Variants in GALNTL6 observed in about 807,000 individuals in gnomAD.
The protein encoded by GALNTL6 is polypeptide N-acetylgalactosaminyltransferase-like 6.
GALNTL6 carries 46 observed loss-of-function variants against 73.7 expected under a neutral mutation model. That is an observed-to-expected ratio of 0.62 (90% CI 0.49 to 0.80). GALNTL6 has a LOEUF of 0.80. Among genes scored for constraint, GALNTL6 ranks in the 30% least tolerant of loss-of-function variants. The pLI is 0.00. For synonymous variants in GALNTL6, 259 were observed against 263.7 expected (o/e 0.98, Z 0.17); for missense variants, 604 against 755.0 (o/e 0.80, Z 2.34).
intron 2 of GALNTL6, chr4:171,815,565 C>T (rs757378234): frequency 3.3e-5 from 5 of 152,098 alleles, no homozygotes; most frequent in Non-Finnish European, 5.9e-5. Context: ...AAATAGCTTC[C>T]GTAATTAAAC....
intron 7 of GALNTL6, among the ~76,000 whole-genome samples, chr4:172,831,412 A>G (rs951027924): frequency 6.6e-6 from 1 of 152,156 alleles, no homozygotes; most frequent in African/African-American, 2.4e-5. Flanking sequence ...AACTGCTCCA[A>G]ATTGATCTGC....
chr4:172,911,920 A>G (rs927922546), intron 8 of GALNTL6, among the ~76,000 whole-genome samples: 1 of 152,234 alleles, frequency 6.6e-6, no homozygotes, highest in African/African-American at 2.4e-5. Context: ...CATGGCATTC[A>G]GTACCTGTGG....
At chr4:173,027,665 C>T (rs2126528104) in intron 12 of GALNTL6, among the ~76,000 whole-genome samples, 1 of 152,278 alleles carries the variant, frequency 6.6e-6, no homozygotes, top group African/African-American at 2.4e-5. Flanking sequence ...TGACTATAAT[C>T]ATGTTTTTCA....
chr4:171,834,592 T>C (rs766083279), intron 2 of GALNTL6, among the ~76,000 whole-genome samples: 14 of 152,004 alleles, frequency 9.2e-5, no homozygotes, highest in Non-Finnish European at 1.5e-4. Flanking sequence ...ATACAATATG[T>C]AGTGGTTAAT....
intron 2 of GALNTL6, among the ~76,000 whole-genome samples, chr4:172,228,724 G>A (rs1233658485): frequency 1.3e-5 from 2 of 152,094 alleles, no homozygotes; most frequent in African/African-American, 4.8e-5. Context: ...AATAGCATGT[G>A]AATTTGAAAA....
At chr4:172,399,510 A>G (rs578156792) in intron 5 of GALNTL6, among the ~76,000 whole-genome samples, 25 of 152,136 alleles carry the variant, frequency 1.6e-4, no homozygotes, top group African/African-American at 5.8e-4. Flanking sequence ...GCCACTGAGT[A>G]GTATAGATTC....
At chr4:171,921,602 T>C (rs1737789531) in intron 2 of GALNTL6, among the ~76,000 whole-genome samples, 1 of 152,142 alleles carries the variant, frequency 6.6e-6, no homozygotes, top group Admixed American at 6.5e-5. Context: ...AGGGAAAAGC[T>C]GCAGAAATTT....
intron 2 of GALNTL6, among the ~76,000 whole-genome samples, chr4:171,974,219 A>G (rs4146319): frequency 0.41 from 61,571 of 151,714 alleles, 13,022 homozygotes; most frequent in Middle Eastern, 0.55. Context: ...TTTGATGTCT[A>G]TGAAGTTTTG....
intron 5 of GALNTL6, among the ~76,000 whole-genome samples, chr4:172,656,409 C>T (rs1318864918): frequency 6.6e-6 from 1 of 152,152 alleles, no homozygotes; most frequent in Non-Finnish European, 1.5e-5. Flanking sequence ...AAAAGTTGAA[C>T]CGGATTGGTC....
intron 2 of GALNTL6, among the ~76,000 whole-genome samples, chr4:171,864,821 T>C (rs1280612948): frequency 6.6e-6 from 1 of 152,052 alleles, no homozygotes; most frequent in Non-Finnish European, 1.5e-5. Flanking sequence ...AAATTTGAAA[T>C]ACTTAAAGAT....
intron 2 of GALNTL6, among the ~76,000 whole-genome samples, chr4:172,157,260 C>A (rs1579194316): frequency 6.6e-6 from 1 of 152,120 alleles, no homozygotes; most frequent in Non-Finnish European, 1.5e-5. Flanking sequence ...AAAACTATAT[C>A]GAGTCTCAGA....
At chr4:172,283,746 C>T (rs1739145478) in intron 3 of GALNTL6, among the ~76,000 whole-genome samples, 1 of 152,020 alleles carries the variant, frequency 6.6e-6, no homozygotes, top group East Asian at 1.9e-4. Context: ...AAAATTCAGG[C>T]AAAATATTGA....
chr4:172,792,617 T>G (rs1194025156), intron 5 of GALNTL6, among the ~76,000 whole-genome samples: 1 of 151,896 alleles, frequency 6.6e-6, no homozygotes, highest in Non-Finnish European at 1.5e-5. Context: ...CAGGGCTTGT[T>G]TTAGCATTTT....
intron 3 of GALNTL6, among the ~76,000 whole-genome samples, chr4:172,257,241 G>C (rs1459762009): frequency 6.6e-6 from 1 of 151,226 alleles, no homozygotes; most frequent in Non-Finnish European, 1.5e-5. Flanking sequence ...GCACTCATTG[G>C]CTATCTGAAA....
intron 2 of GALNTL6, among the ~76,000 whole-genome samples, chr4:172,127,028 C>T (rs1222851873): frequency 1.3e-5 from 2 of 152,198 alleles, no homozygotes; most frequent in East Asian, 3.9e-4. Flanking sequence ...CCTGCCCCAG[C>T]CAGGGCTGAA....
chr4:172,179,959 C>A (rs967146020), intron 2 of GALNTL6, among the ~76,000 whole-genome samples: 1 of 152,134 alleles, frequency 6.6e-6, no homozygotes, highest in Non-Finnish European at 1.5e-5. Flanking sequence ...GTGTATACAT[C>A]CAGTAATGTG....
intron 5 of GALNTL6, among the ~76,000 whole-genome samples, chr4:172,799,169 C>A (rs1740458626): frequency 6.6e-6 from 1 of 152,126 alleles, no homozygotes; most frequent in African/African-American, 2.4e-5. Context: ...ATGCAAAGAG[C>A]AGACCACACA....
chr4:172,652,867 A>T (rs552571541), intron 5 of GALNTL6, among the ~76,000 whole-genome samples: 3 of 152,258 alleles, frequency 2.0e-5, no homozygotes, highest in Non-Finnish European at 2.9e-5. Context: ...TTTCCTAATT[A>T]TAAGTTTTTT....
In GALNTL6 at chr4:172,077,620, G is replaced by C. The variant is rs375603916; in HGVS notation, c.139-152036G>C. 8.5e-5 allele frequency among the ~76,000 whole-genome samples: 13 copies of C among 152,264 alleles called. No homozygotes were observed. The South Asian group carries it at 1.7e-3, about 19-fold the overall frequency. On this transcript the variant is annotated intron_variant, in intron 2 of 12. Transcript: ENST00000506823. ...GTATATTTGTATGTGTGAACAAAGA[G>C]ATTATTTGAAACTGGAACTTATATT... is the stretch of plus-strand genomic sequence containing the variant.
Sources: gnomAD v4.1 joint callset for allele counts (sites outside exome capture counted in the v4.1 genomes callset) on GRCh38, gnomAD v4.1.1 for gene constraint, MANE v1.5 for transcripts, NCBI Gene and HGNC (gene_info 2026-07-23, HGNC 2026-07-21) for gene names.